ZNF525: variants seen among roughly 807,000 people sequenced by gnomAD.
The protein encoded by ZNF525 is zinc finger protein 525.
Under a neutral mutation model 37.6 loss-of-function variants are expected in ZNF525, and 33 were observed. The observed-to-expected ratio is 0.88, with a 90% CI of 0.67 to 1.17. The LOEUF (loss-of-function observed/expected upper bound fraction) is 1.17, where lower values mean the gene tolerates loss of function less well. Ranked by LOEUF, ZNF525 falls within the 50% of genes most tolerant of loss-of-function variation. The pLI is 0.00. For missense variants in ZNF525, 449 were observed against 543.1 expected, an observed-to-expected ratio of 0.83 and a Z score of 1.72; for synonymous variants, 170 against 182.3, an observed-to-expected ratio of 0.93 and a Z score of 0.54.
At chr19:53,370,494 G>A (rs117443589) in intron 1 of ZNF525, among the ~76,000 whole-genome samples, 8,884 of 151,280 alleles carry the variant, frequency 0.059, 322 homozygotes, top group East Asian at 0.11. Flanking sequence ...AAATTTCCCT[G>A]CTCTGAGCCC....
intron 1 of ZNF525, among the ~76,000 whole-genome samples, chr19:53,370,761 T>C (rs1215300055): frequency 6.6e-6 from 1 of 152,116 alleles, no homozygotes; most frequent in African/African-American, 2.4e-5. Flanking sequence ...CTTCGGGGCC[T>C]TTCTCTGTAT....
intron 2 of ZNF525, among the ~76,000 whole-genome samples, chr19:53,373,830 A>AT (rs1374541172): frequency 6.6e-6 from 1 of 151,928 alleles, no homozygotes; most frequent in East Asian, 1.9e-4. Flanking sequence ...CAAAAAAAAA[A>AT]AAATAGTTTT....
rs2085565572 is a variant in ZNF525 at position 53,381,726 on chromosome 19, T to C, written c.1147T>C (p.Tyr383His). Residue 383 changes from tyrosine to histidine, a missense_variant, in exon 4 of 4, where the codon TAC (tyrosine) becomes CAC (histidine). Tyr to His is a moderately conservative substitution (Grantham distance 83, BLOSUM62 2). Coordinates refer to ENST00000474037, the MANE Select transcript of ZNF525 (RefSeq NM_001348156.2). The stretch of plus-strand genomic sequence containing the variant: ...GATAACTCATACTGGAGAGAAACCA[T>C]ACAAGTGTAATGATTGTGGCAAGAC... The part of the protein sequence containing the change: ...HRITHTGEKP[Y>H]KCNDCGKTFS... 9.2e-7 allele frequency: 1 copy of C among 1,083,688 alleles called. No individual in the cohort carries two copies. Among genetic ancestry groups the C allele is most frequent in the African/African-American group, 1.5e-5 (1 of 65,074 alleles). 67.1% of individuals were successfully genotyped at this position (1,083,688 alleles called of 1,614,324 possible). A position where few individuals can be genotyped will look rare whatever the true frequency, so the allele number is the denominator to read the frequency against.
At position 53,369,598 on chromosome 19, in the gene ZNF525, T is replaced by A. The variant is rs2085470810; in HGVS notation, c.-67-2617T>A. 3.4e-5 allele frequency among the ~76,000 whole-genome samples: 5 copies of A among 148,152 alleles called. 1 individual carries two copies. Among genetic ancestry groups the A allele is most frequent in the Admixed American group, 3.4e-4 (5 of 14,888 alleles). Reference sequence around the variant, plus strand: ...CAGCTGACCTTCTTTTCACTGTTTTTAAGGTCAATAGCTGTGGGTTCGCAC... The same window carrying A: ...CAGCTGACCTTCTTTTCACTGTTTTAAAGGTCAATAGCTGTGGGTTCGCAC... On this transcript the variant is annotated intron_variant, in intron 1 of 3. Coordinates refer to ENST00000474037, the MANE Select transcript of ZNF525 (RefSeq NM_001348156.2).
In ZNF525 at chr19:53,383,588, G is replaced by A. The variant is rs2085583852; in HGVS notation, c.*1569G>A. 6.9e-7 allele frequency: 1 copy of A among 1,440,914 alleles called. No homozygotes were observed. The highest frequency in any genetic ancestry group is 9.4e-7 in the Non-Finnish European group (1 of 1,068,142). 89.3% of individuals were successfully genotyped at this position (1,440,914 alleles called of 1,614,324 possible). A position where few individuals can be genotyped will look rare whatever the true frequency, so the allele number is the denominator to read the frequency against. ...TTACAAGTGTAATGAGTGTGTCAAA[G>A]CCTTTAGTGGGCAGTCAACACTTAT... On this transcript the variant is annotated 3_prime_UTR_variant, in exon 4 of 4. Transcript: ENST00000474037.
At position 53,381,073 on chromosome 19, in the gene ZNF525, A is replaced by C; in HGVS notation, c.494A>C (p.Glu165Ala). Residue 165 changes from glutamate to alanine, a missense_variant, in exon 4 of 4, where the codon GAG (glutamate) becomes GCG (alanine). Coordinates refer to ENST00000474037, the MANE Select transcript of ZNF525 (RefSeq NM_001348156.2). ...AAAGGGAAAATTAATAATCAAGTGG[A>C]GAAGTCTATCAACGATGCTTCCTCG... ...QPKGKINNQV[E>A]KSINDASSVS... is the part of the protein sequence containing the mutation. 2.7e-6 allele frequency: 4 copies of C among 1,506,296 alleles called. No individual in the cohort carries two copies. Among genetic ancestry groups the C allele is most frequent in the Non-Finnish European group, 2.8e-6 (3 of 1,081,896 alleles). 93.3% of individuals were successfully genotyped at this position (1,506,296 alleles called of 1,614,324 possible).
chr19:53,382,725 G>T lies in ZNF525; in HGVS notation c.*706G>T, dbSNP rs1017732000. The T allele has an allele frequency of 2.6e-5, 20 of 775,520 alleles. No individual in the cohort carries two copies. Among genetic ancestry groups the T allele is most frequent in the Non-Finnish European group, 4.1e-5 (18 of 439,160 alleles). The allele number at this position is 775,520 out of a possible 1,614,324, so 48.0% of individuals were successfully genotyped here. On this transcript the variant is annotated 3_prime_UTR_variant, in exon 4 of 4. Transcript: ENST00000474037. ...CATTGGAGAATCCATAATAAAGAGA[G>T]ACCTTACAAGTGTGATAAATGTGAC... is the stretch of plus-strand genomic sequence containing the variant.
Position 53,382,691 on chromosome 19 carries a change from A to AT in ZNF525, c.*674dup, listed in dbSNP as rs1207052229. ...CCACGTCTTCAGTAATGCTACAACT[A>AT]TTGCAAATCATTGGAGAATCCATAA... On this transcript the variant is annotated 3_prime_UTR_variant, in exon 4 of 4. Coordinates refer to ENST00000474037, the MANE Select transcript of ZNF525 (RefSeq NM_001348156.2). 9 of 734,778 alleles carry AT rather than the reference A, an allele frequency of 1.2e-5. No homozygotes were observed. The African/African-American group carries it at 1.4e-4, about 11-fold the overall frequency. 45.5% of individuals were successfully genotyped at this position (734,778 alleles called of 1,614,324 possible).
rs987439827 is a variant in ZNF525, at chr19:53,381,039, T to A, written c.460T>A (p.Phe154Ile). 2 of 1,553,838 alleles carry A rather than the reference T, an allele frequency of 1.3e-6. No individual in the cohort carries two copies. Among genetic ancestry groups the A allele is most frequent in the Non-Finnish European group, 1.8e-6 (2 of 1,125,080 alleles). The change falls in exon 4 of 4, where the codon TTT becomes ATT. Residue 154 changes from phenylalanine to isoleucine, a missense_variant. Physicochemically the swap from Phe to Ile is conservative, Grantham distance 21 (BLOSUM62 0). Transcript: ENST00000474037. ...TTCACATCTGTCTGAACTCCACATA[T>A]TTCAGCCCAAAGGGAAAATTAATAA... ...FHSHLSELHI[F>I]QPKGKINNQV...
intron 3 of ZNF525, chr19:53,376,137 A>C (rs1249693323): frequency 1.0e-6 from 1 of 960,494 alleles, no homozygotes; most frequent in Admixed American, 2.0e-5. Context: ...TTTTAGAGAC[A>C]GGTTCTTGCT....
chr19:53,367,134 CT>C (rs367873512), intron 1 of ZNF525, among the ~76,000 whole-genome samples: 2 of 151,304 alleles, frequency 1.3e-5, no homozygotes, highest in African/African-American at 2.4e-5. Flanking sequence ...CACGTTTGTC[CT>C]TTTTTTTTCC....
At chr19:53,367,327 A>C (rs1412707990) in intron 1 of ZNF525, among the ~76,000 whole-genome samples, 3 of 149,950 alleles carry the variant, frequency 2.0e-5, no homozygotes, top group Non-Finnish European at 4.4e-5. Flanking sequence ...TTTTTTTTAA[A>C]TTTCTGCTTC....
At position 53,385,913 on chromosome 19, in the gene ZNF525, A is replaced by C. The variant is rs2085603116; in HGVS notation, c.*3894A>C. 1 of 176,646 alleles carries C rather than the reference A, an allele frequency of 5.7e-6. No homozygotes were observed. The highest frequency in any genetic ancestry group is 1.3e-4 in the South Asian group (1 of 7,970). 10.9% of individuals were successfully genotyped at this position (176,646 alleles called of 1,614,324 possible). ...ATTAATCTTGTTCATGCTGCAATGA[A>C]GAGGACTGACAGCAAACAGCAGAAA... On this transcript the variant is annotated 3_prime_UTR_variant, in exon 4 of 4. Transcript: ENST00000474037.
intron 1 of ZNF525, among the ~76,000 whole-genome samples, chr19:53,366,689 A>G (rs1052266296): frequency 1.6e-4 from 24 of 151,680 alleles, no homozygotes; most frequent in African/African-American, 5.8e-4. Context: ...AGGAGGAGGG[A>G]TTTGGAGCCA....
Position 53,383,388 on chromosome 19 carries a change from G to T in ZNF525, c.*1369G>T, listed in dbSNP as rs1479537452. 13 of 1,145,996 alleles carry T rather than the reference G, an allele frequency of 1.1e-5. No homozygotes were observed. Among genetic ancestry groups the T allele is most frequent in the Non-Finnish European group, 1.5e-5 (12 of 794,250 alleles). 71.0% of individuals were successfully genotyped at this position (1,145,996 alleles called of 1,614,324 possible). ...ACGTCATCATAGAATTCATACTGGA[G>T]AGAAACCTTAGAAATGTGAAGAATG... is the stretch of plus-strand genomic sequence containing the variant. On this transcript the variant is annotated 3_prime_UTR_variant, in exon 4 of 4. Coordinates refer to ENST00000474037, the MANE Select transcript of ZNF525 (RefSeq NM_001348156.2).
intron 3 of ZNF525, among the ~76,000 whole-genome samples, chr19:53,378,742 C>G (rs936659570): frequency 2.6e-5 from 4 of 152,092 alleles, no homozygotes; most frequent in Admixed American, 6.6e-5. Flanking sequence ...TTTAATGTCT[C>G]TTTTTATGAA....
chr19:53,367,316 T>G (rs1276441510), intron 1 of ZNF525, among the ~76,000 whole-genome samples: 1 of 151,522 alleles, frequency 6.6e-6, no homozygotes, highest in African/African-American at 2.4e-5. Context: ...TGAATACATT[T>G]TTTTTTTTAA....
In ZNF525 at chr19:53,382,582, C is replaced by CA. The variant is rs2085575029; in HGVS notation, c.*567dup. 1 of 669,902 alleles carries CA rather than the reference C, an allele frequency of 1.5e-6. No homozygotes were observed. Among genetic ancestry groups the CA allele is most frequent in the African/African-American group, 1.8e-5 (1 of 56,444 alleles). 41.5% of individuals were successfully genotyped at this position (669,902 alleles called of 1,614,324 possible). A position where few individuals can be genotyped will look rare whatever the true frequency, so the allele number is the denominator to read the frequency against. Reference sequence around the variant, plus strand: ...AACCTTAGAAGTGCAATGAGTGTGGCAAAACCTTTCATAGGCAGTCAGCGC... The same window carrying CA: ...AACCTTAGAAGTGCAATGAGTGTGGCAAAAACCTTTCATAGGCAGTCAGCGC... On this transcript the variant is annotated 3_prime_UTR_variant, in exon 4 of 4. Transcript: ENST00000474037.
chr19:53,376,071 C>T, intron 3 of ZNF525, 175 bp downstream of exon 3: 2 of 1,391,866 alleles, frequency 1.4e-6, no homozygotes, highest in Non-Finnish European at 2.0e-6. Context: ...CCTCAGCCTC[C>T]CCTCGTAGTG....
Sources: allele counts gnomAD v4.1 joint callset (sites outside exome capture counted in the v4.1 genomes callset), GRCh38; gene constraint gnomAD v4.1.1; transcripts MANE v1.5; gene names NCBI Gene and HGNC (gene_info 2026-07-23, HGNC 2026-07-21).